FHIT: variants seen among roughly 807,000 people sequenced by gnomAD.
FHIT encodes the protein bis(5'-adenosyl)-triphosphatase.
In FHIT, 19 loss-of-function variants were observed where a neutral mutation model predicts 17.9. That is an observed-to-expected ratio of 1.06 (90% confidence interval 0.74 to 1.56). The LOEUF is 1.56. Ranked by LOEUF, FHIT falls within the 40% of genes most tolerant of loss-of-function variation. FHIT has a pLI of 0.00. For synonymous variants in FHIT, 81 were observed against 69.7 expected (o/e 1.16, Z -0.81); for missense variants, 248 against 189.2 (o/e 1.31, Z -1.82).
chr3:60,860,917 AT>A lies in FHIT; in HGVS notation c.-110-38907del, dbSNP rs200914509. ...TATACGTATATATCATGTATATATG[AT>A]ACATATATACGTATATATCATGTAT... On this transcript the variant is annotated intron_variant, in intron 3 of 9. Coordinates refer to ENST00000492590, the MANE Select transcript of FHIT (RefSeq NM_002012.4). Among the ~76,000 whole-genome samples, 57 of 88,972 alleles carry A rather than the reference AT, an allele frequency of 6.4e-4. 5 individuals carry two copies. The highest frequency in any genetic ancestry group is 2.1e-3 in the African/African-American group (40 of 18,646). The allele number at this position is 88,972 out of a possible 152,430, so 58.4% of individuals were successfully genotyped here. A position where few individuals can be genotyped will look rare whatever the true frequency, so the allele number is the denominator to read the frequency against.
At chr3:60,408,614 AAAG>A (rs1424679169) in intron 5 of FHIT, among the ~76,000 whole-genome samples, 5 of 152,180 alleles carry the variant, frequency 3.3e-5, no homozygotes, top group Non-Finnish European at 7.4e-5. Flanking sequence ...CAGGGAGAGA[AAAG>A]AAATGTTGAC....
intron 5 of FHIT, among the ~76,000 whole-genome samples, chr3:60,290,523 C>T (rs984464181): frequency 1.3e-5 from 2 of 152,038 alleles, no homozygotes; most frequent in African/African-American, 2.4e-5. Context: ...TGCCAACAAC[C>T]GTGTGAGTGA....
chr3:60,344,069 A>C (rs1422074214), intron 5 of FHIT, among the ~76,000 whole-genome samples: 1 of 152,226 alleles, frequency 6.6e-6, no homozygotes, highest in Admixed American at 6.5e-5. Flanking sequence ...GGGATCTGTT[A>C]ACAGGTTGCC....
intron 5 of FHIT, among the ~76,000 whole-genome samples, chr3:60,059,044 G>A (rs114336053): frequency 2.6e-5 from 4 of 152,166 alleles, no homozygotes; most frequent in African/African-American, 9.7e-5. Flanking sequence ...TAGGTAGTCA[G>A]GCGTGATGGG....
At chr3:60,413,327 G>A (rs1323334393) in intron 5 of FHIT, among the ~76,000 whole-genome samples, 1 of 152,098 alleles carries the variant, frequency 6.6e-6, no homozygotes, top group African/African-American at 2.4e-5. Context: ...CATGGAGTTA[G>A]GGTGAGTAAG....
At chr3:61,178,883 C>A (rs6792962) in intron 2 of FHIT, among the ~76,000 whole-genome samples, 2,299 of 152,184 alleles carry the variant, frequency 0.015, 48 homozygotes, top group African/African-American at 0.053. Context: ...CATGAAAACA[C>A]CCCAGATTAC....
chr3:61,201,979 T>C (rs563128937), intron 1 of FHIT, among the ~76,000 whole-genome samples: 1 of 151,958 alleles, frequency 6.6e-6, no homozygotes, highest in East Asian at 1.9e-4. Context: ...TGTATGTATA[T>C]ACATATGTGC....
intron 3 of FHIT, among the ~76,000 whole-genome samples, chr3:60,844,239 T>C (rs1702844244): frequency 1.3e-5 from 2 of 152,090 alleles, no homozygotes; most frequent in Non-Finnish European, 2.9e-5. Flanking sequence ...AGGTAACCGA[T>C]TAAAATTTTG....
intron 5 of FHIT, among the ~76,000 whole-genome samples, chr3:60,385,742 G>A (rs1700982147): frequency 6.6e-6 from 1 of 152,010 alleles, no homozygotes; most frequent in Non-Finnish European, 1.5e-5. Flanking sequence ...GCCATACCCA[G>A]TGAATTTTTT....
chr3:60,377,945 T>C (rs17608587), intron 5 of FHIT, among the ~76,000 whole-genome samples: 38,858 of 152,118 alleles, frequency 0.26, 6,418 homozygotes, highest in Non-Finnish European at 0.37. Context: ...AATTAATGAA[T>C]GGTTTAAATA....
chr3:60,460,674 C>A (rs531568349), intron 5 of FHIT, among the ~76,000 whole-genome samples: 1 of 152,288 alleles, frequency 6.6e-6, no homozygotes, highest in Non-Finnish European at 1.5e-5. Flanking sequence ...TCTCCCAAAA[C>A]ATGTATCACC....
intron 3 of FHIT, among the ~76,000 whole-genome samples, chr3:60,914,263 T>C (rs572384257): frequency 6.6e-6 from 1 of 152,218 alleles, no homozygotes; most frequent in Non-Finnish European, 1.5e-5. Context: ...TATAATACAA[T>C]TGGTAAAATA....
At chr3:60,896,897 C>A (rs977776766) in intron 3 of FHIT, among the ~76,000 whole-genome samples, 6 of 152,190 alleles carry the variant, frequency 3.9e-5, no homozygotes, top group Admixed American at 2.6e-4. Flanking sequence ...TCACTGTCTT[C>A]CTTCCCTAAC....
At chr3:60,833,270 G>C (rs1049063849) in intron 3 of FHIT, among the ~76,000 whole-genome samples, 1 of 152,150 alleles carries the variant, frequency 6.6e-6, no homozygotes, top group Non-Finnish European at 1.5e-5. Context: ...TCCTCCTGGG[G>C]AAGTAGGGAG....
At chr3:60,708,709 C>A (rs1322112354) in intron 4 of FHIT, among the ~76,000 whole-genome samples, 2 of 152,180 alleles carry the variant, frequency 1.3e-5, no homozygotes, top group African/African-American at 4.8e-5. Flanking sequence ...TTTAATCCAT[C>A]ACTTTGCAAT....
intron 1 of FHIT, among the ~76,000 whole-genome samples, chr3:61,203,630 T>C (rs1167499558): frequency 6.6e-6 from 1 of 152,192 alleles, no homozygotes; most frequent in African/African-American, 2.4e-5. Flanking sequence ...TATTGATTAA[T>C]AATTATTAAG....
intron 5 of FHIT, among the ~76,000 whole-genome samples, chr3:60,056,206 T>A (rs904394483): frequency 2.6e-5 from 4 of 152,188 alleles, no homozygotes; most frequent in African/African-American, 9.7e-5. Context: ...AAGTTTCTCT[T>A]GGCTACAGCT....
intron 7 of FHIT, among the ~76,000 whole-genome samples, chr3:59,993,999 T>C (rs1699398900): frequency 6.6e-6 from 1 of 152,062 alleles, no homozygotes; most frequent in Admixed American, 6.6e-5. Context: ...CCTTAACTCT[T>C]ACTATTCTCA....
intron 1 of FHIT, among the ~76,000 whole-genome samples, chr3:61,227,106 C>T (rs2039989969): frequency 6.6e-6 from 1 of 152,056 alleles, no homozygotes. Context: ...ATTAGAGCAG[C>T]CAGATAAGAG....
Sources: allele counts gnomAD v4.1 joint callset (sites outside exome capture counted in the v4.1 genomes callset), GRCh38; gene constraint gnomAD v4.1.1; transcripts MANE v1.5; gene names NCBI Gene and HGNC (gene_info 2026-07-23, HGNC 2026-07-21).